LMNB1: variants seen among roughly 807,000 people sequenced by gnomAD.
LMNB1 encodes lamin-B1.
Under a neutral mutation model 67.1 loss-of-function variants are expected in LMNB1, and 23 were observed. That is an observed-to-expected ratio of 0.34 (90% CI 0.25 to 0.49). The LOEUF (loss-of-function observed/expected upper bound fraction) is 0.49. Among genes scored for constraint, LMNB1 ranks in the 20% least tolerant of loss-of-function variants. The probability of loss-of-function intolerance (pLI) is 0.99; values close to 1 mark genes in which losing one functional copy is unlikely to be tolerated. For synonymous variants in LMNB1, 281 were observed against 282.9 expected, an observed-to-expected ratio of 0.99 and a Z score of 0.07; for missense variants, 634 against 746.5, an observed-to-expected ratio of 0.85 and a Z score of 1.76.
At chr5:126,791,012 ACT>A (rs1750941078) in intron 1 of LMNB1, among the ~76,000 whole-genome samples, 1 of 152,080 alleles carries the variant, frequency 6.6e-6, no homozygotes, top group Admixed American at 6.6e-5. Context: ...CAAGAGCGAA[ACT>A]CTGTCTCAAT....
At chr5:126,806,710 C>G (rs1751440716) in intron 3 of LMNB1, among the ~76,000 whole-genome samples, 1 of 152,162 alleles carries the variant, frequency 6.6e-6, no homozygotes, top group Admixed American at 6.5e-5. Context: ...AGGTTACATA[C>G]CATCACTTTG....
chr5:126,787,037 G>C (rs532659752), intron 1 of LMNB1, among the ~76,000 whole-genome samples: 1 of 152,082 alleles, frequency 6.6e-6, no homozygotes, highest in South Asian at 2.1e-4. Flanking sequence ...ACACATTTTT[G>C]TGGAACAGGT....
At position 126,819,005 on chromosome 5, in the gene LMNB1, C is replaced by T. The variant is rs886059858; in HGVS notation, c.1023C>T (p.Asp341=). ...ACAACTCTCGTCGCATGCTGACAGA[C>T]AAAGAGAGAGAGATGGCGGAAATAA... ...EKDNSRRMLT[D]KEREMAEIRD... is the part of the protein sequence containing the mutation. The change falls in exon 6 of 11, where the codon GAC becomes GAT. Residue 341 remains aspartate (D), a synonymous_variant. Transcript: ENST00000261366. The T allele has an allele frequency of 4.5e-5, 73 of 1,614,032 alleles. No homozygotes were observed. The East Asian group carries it at 1.2e-3, about 27-fold the overall frequency.
intron 1 of LMNB1, among the ~76,000 whole-genome samples, chr5:126,787,437 A>G (rs1052490650): frequency 1.4e-5 from 2 of 138,610 alleles, no homozygotes; most frequent in Non-Finnish European, 3.1e-5. Flanking sequence ...TATACATCTT[A>G]TATGTATATG....
intron 1 of LMNB1, among the ~76,000 whole-genome samples, chr5:126,778,574 G>A (rs949320239): frequency 1.3e-5 from 2 of 152,180 alleles, no homozygotes; most frequent in Non-Finnish European, 2.9e-5. Flanking sequence ...GCTTTCTCTG[G>A]GGAAATGTGT....
At chr5:126,835,892 A>G (rs1752236509) in intron 10 of LMNB1, among the ~76,000 whole-genome samples, 1 of 152,170 alleles carries the variant, frequency 6.6e-6, no homozygotes, top group South Asian at 2.1e-4. Flanking sequence ...GTTCAAGACC[A>G]GCCTGGCTAA....
At chr5:126,821,241 T>G (rs1751861917) in intron 7 of LMNB1, 106 bp downstream of exon 7, 1 of 703,426 alleles carries the variant, frequency 1.4e-6, no homozygotes, top group African/African-American at 1.8e-5. Context: ...TACGTCTTCA[T>G]GGAATAAGGG....
intron 1 of LMNB1, among the ~76,000 whole-genome samples, chr5:126,784,946 G>A (rs1750730082): frequency 6.6e-6 from 1 of 151,792 alleles, no homozygotes; most frequent in African/African-American, 2.4e-5. Context: ...ACAGGCGTAA[G>A]CCACTGCCCT....
At chr5:126,805,435 T>A in intron 2 of LMNB1, 136 bp from the exon 3 acceptor site, 1 of 632,826 alleles carries the variant, frequency 1.6e-6, no homozygotes, top group South Asian at 2.2e-5. Context: ...GTGATAAATG[T>A]TAAGATGAAG....
chr5:126,776,801 G>C (rs780324372), upstream of LMNB1: 10 of 152,212 alleles, frequency 6.6e-5, no homozygotes, highest in Non-Finnish European at 1.3e-4. Flanking sequence ...GCCCCTCCAA[G>C]GGGTCCCCGC....
chr5:126,788,865 G>T (rs1444981793), intron 1 of LMNB1, among the ~76,000 whole-genome samples: 5 of 151,548 alleles, frequency 3.3e-5, no homozygotes, highest in Non-Finnish European at 5.9e-5. Flanking sequence ...AAGAATGTTG[G>T]CAGTGAAGGG....
intron 1 of LMNB1, among the ~76,000 whole-genome samples, chr5:126,781,221 C>T (rs1271037119): frequency 1.3e-5 from 2 of 150,642 alleles, no homozygotes; most frequent in African/African-American, 4.9e-5. Flanking sequence ...ACCGGGGAGG[C>T]GGAGGTTGCA....
intron 3 of LMNB1, among the ~76,000 whole-genome samples, chr5:126,806,112 G>A (rs1751414713): frequency 6.6e-6 from 1 of 151,910 alleles, no homozygotes. Context: ...GCGCCACCAC[G>A]CCCAGCTAAT....
chr5:126,816,426 T>C (rs1294535141), intron 5 of LMNB1, among the ~76,000 whole-genome samples: 1 of 152,234 alleles, frequency 6.6e-6, no homozygotes, highest in Non-Finnish European at 1.5e-5. Flanking sequence ...CCTTGTTATT[T>C]TGGCATAATT....
chr5:126,799,930 A>G (rs1033665263), intron 1 of LMNB1, among the ~76,000 whole-genome samples: 3 of 152,224 alleles, frequency 2.0e-5, no homozygotes, highest in Non-Finnish European at 4.4e-5. Context: ...TGCCTGGTAC[A>G]ATGCCTGCTG....
rs1257960275 is a variant in LMNB1 at position 126,836,561 on chromosome 5, T to A, written c.*297T>A. On this transcript the variant is annotated 3_prime_UTR_variant, in exon 11 of 11. Transcript: ENST00000261366. Reference sequence around the variant, plus strand: ...TGTATGTGTGTTTTTTCTTTTTTTTTAAGTTCTTATGAGGAGGGGAGGGTA... The same window carrying A: ...TGTATGTGTGTTTTTTCTTTTTTTTAAAGTTCTTATGAGGAGGGGAGGGTA... 2 of 352,072 alleles carry A rather than the reference T, an allele frequency of 5.7e-6. No individual in the cohort carries two copies. Among genetic ancestry groups the A allele is most frequent in the Non-Finnish European group, 1.0e-5 (2 of 199,068 alleles). 21.8% of individuals were successfully genotyped at this position (352,072 alleles called of 1,614,324 possible).
chr5:126,832,377 C>T (rs537093997), intron 9 of LMNB1, among the ~76,000 whole-genome samples: 7 of 151,778 alleles, frequency 4.6e-5, no homozygotes, highest in African/African-American at 7.2e-5. Flanking sequence ...GGCGTGATCT[C>T]GGCTCACTGC....
chr5:126,826,371 C>A (rs1751999006), intron 9 of LMNB1, among the ~76,000 whole-genome samples: 1 of 152,180 alleles, frequency 6.6e-6, no homozygotes, highest in Non-Finnish European at 1.5e-5. Flanking sequence ...TGACTTTGGG[C>A]AAGTTACTTC....
intron 9 of LMNB1, among the ~76,000 whole-genome samples, chr5:126,831,841 G>A (rs1046716068): frequency 2.0e-5 from 3 of 152,176 alleles, no homozygotes; most frequent in Non-Finnish European, 4.4e-5. Context: ...CAGATATTTC[G>A]AATTGGATAG....
Sources: allele counts gnomAD v4.1 joint callset (sites outside exome capture counted in the v4.1 genomes callset), GRCh38; gene constraint gnomAD v4.1.1; transcripts MANE v1.5; gene names NCBI Gene and HGNC (gene_info 2026-07-23, HGNC 2026-07-21).